The following AMTN variants were observed in gnomAD, a reference collection of about 807,000 sequenced individuals.
AMTN encodes amelotin, also known as RSTI689.
A neutral mutation model predicts 27.4 loss-of-function variants in AMTN; 29 were observed. The ratio of observed to expected loss-of-function variants is 1.06; its 90% CI spans 0.79 to 1.44. AMTN has a LOEUF of 1.44. Among genes scored for constraint, AMTN ranks in the 40% most tolerant of loss-of-function variants. The pLI is 0.00. For missense variants in AMTN, 247 were observed against 248.8 expected, an observed-to-expected ratio of 0.99 and a Z score of 0.05; for synonymous variants, 86 against 95.7, an observed-to-expected ratio of 0.90 and a Z score of 0.59.
chr4:70,520,541 G>T (rs1273954868), intron 2 of AMTN, among the ~76,000 whole-genome samples: 2 of 152,146 alleles, frequency 1.3e-5, no homozygotes, highest in Non-Finnish European at 2.9e-5. Flanking sequence ...AAGAAAACAA[G>T]ATTTTATTCC....
In AMTN at chr4:70,532,468, T is replaced by C. The variant is rs750011456; in HGVS notation, c.*3T>C. The C allele has an allele frequency of 1.9e-6, 3 of 1,607,216 alleles. No individual in the cohort carries two copies. The highest frequency in any genetic ancestry group is 1.7e-6 in the Non-Finnish European group (2 of 1,175,852). ...ATTTTCTTCCAGGAATTCAGTAAGC[T>C]GTTTCAAATTTTTTCAACTAAGCTG... On this transcript the variant is annotated 3_prime_UTR_variant, in exon 9 of 9. Transcript: ENST00000339336.
chr4:70,526,668 C>T (rs1736104862), intron 5 of AMTN, among the ~76,000 whole-genome samples: 2 of 152,204 alleles, frequency 1.3e-5, no homozygotes, highest in South Asian at 4.1e-4. Flanking sequence ...TCCATTGTTG[C>T]CCTCCTCTAA....
In AMTN at chr4:70,522,834, A is replaced by C. The variant is rs7660807; in HGVS notation, c.134A>C (p.Asn45Thr). Reference protein sequence around the residue: ...QGTLPNQQQSNQVFPSLSLIP... With the variant: ...QGTLPNQQQSTQVFPSLSLIP... The stretch of plus-strand genomic sequence containing the variant: ...ACACTACCAAACCAACAGCAGTCAA[A>C]TCAGGTAAGAGTCCTACAATATGGA... Residue 45 changes from asparagine to threonine, a missense_variant, in exon 3 of 9, where the codon AAT (asparagine) becomes ACT (threonine). Asn to Thr is a moderately conservative substitution (Grantham distance 65, BLOSUM62 0). Coordinates refer to ENST00000339336, the MANE Select transcript of AMTN (RefSeq NM_212557.4). The C allele has an allele frequency of 1.9e-6, 3 of 1,613,758 alleles. No individual in the cohort carries two copies. The highest frequency in any genetic ancestry group is 2.5e-6 in the Non-Finnish European group (3 of 1,179,734).
rs544996199 is a variant in AMTN at position 70,522,917 on chromosome 4, G to A, written c.138+79G>A. ...ATGTACAAACCGGTAAAGAAAACAC[G>A]TTAAGACTGGTAGGTTTAAAATCAA... On this transcript the variant is annotated intron_variant, in intron 3 of 8. Transcript: ENST00000339336. 65 of 1,355,108 alleles carry A rather than the reference G, an allele frequency of 4.8e-5. No homozygotes were observed. In the South Asian group the frequency reaches 6.0e-4, roughly 12 times the overall value. The allele number at this position is 1,355,108 out of a possible 1,614,324, so 83.9% of individuals were successfully genotyped here. A position where few individuals can be genotyped will look rare whatever the true frequency, so the allele number is the denominator to read the frequency against.
Position 70,531,314 on chromosome 4 carries a change from GCT to G in AMTN, c.619+15_619+16del. 1 of 1,612,842 alleles carries G rather than the reference GCT, an allele frequency of 6.2e-7. No individual in the cohort carries two copies. Among genetic ancestry groups the G allele is most frequent in the South Asian group, 1.1e-5 (1 of 91,052 alleles). The stretch of plus-strand genomic sequence containing the variant: ...AATCAGCAAATGGTAAATTCTCCTA[GCT>G]TGGAACATGCTTCTTGGCTATAAAA... On this transcript the variant is annotated intron_variant, in intron 8 of 8. Coordinates refer to ENST00000339336, the MANE Select transcript of AMTN (RefSeq NM_212557.4).
intron 4 of AMTN, 106 bp from the exon 5 acceptor site, chr4:70,524,766 C>T: frequency 1.0e-6 from 1 of 1,003,294 alleles, no homozygotes; most frequent in Non-Finnish European, 1.5e-6. Flanking sequence ...ATTTACATAG[C>T]AACTCCTTCC....
intron 8 of AMTN, among the ~76,000 whole-genome samples, chr4:70,531,668 CA>C (rs1459299875): frequency 6.6e-6 from 1 of 152,110 alleles, no homozygotes; most frequent in Non-Finnish European, 1.5e-5. Context: ...CACATCACCA[CA>C]GCTGGCTAAT....
intron 5 of AMTN, among the ~76,000 whole-genome samples, chr4:70,525,387 G>T (rs1736080126): frequency 6.6e-6 from 1 of 151,972 alleles, no homozygotes; most frequent in African/African-American, 2.4e-5. Flanking sequence ...TCCCATTTTT[G>T]CGCCTTTTCA....
In AMTN at chr4:70,524,926, G is replaced by T. The variant is rs1736067835; in HGVS notation, c.259G>T (p.Gly87Ter). ...PGTQTHPLTL[G>*]GLNVQQQLHP... ...TACCCAGACCCACCCATTGACCCTG[G>T]GAGGGTTGAATGTACAACAGCAACT... is the stretch of plus-strand genomic sequence containing the variant. The change falls in exon 5 of 9, where the codon GGA (glycine) becomes TGA (stop). Residue 87 changes from glycine to a stop codon, truncating the protein, a stop_gained. Transcript: ENST00000339336. LOFTEE classifies it high-confidence loss of function. 1.2e-6 allele frequency: 2 copies of T among 1,613,862 alleles called. No homozygotes were observed. Among genetic ancestry groups the T allele is most frequent in the Non-Finnish European group, 1.7e-6 (2 of 1,179,932 alleles).
intron 8 of AMTN, 125 bp from the exon 9 acceptor site, chr4:70,532,330 A>G: frequency 2.9e-6 from 2 of 699,882 alleles, no homozygotes; most frequent in Non-Finnish European, 4.6e-6. Flanking sequence ...AAATATCCTT[A>G]GAGATAACTA....
intron 6 of AMTN, 66 bp downstream of exon 6, chr4:70,528,824 C>T: frequency 7.5e-7 from 1 of 1,336,586 alleles, no homozygotes; most frequent in South Asian, 1.4e-5. Flanking sequence ...ATTTTCTTTC[C>T]TCAATTCACT....
intron 5 of AMTN, among the ~76,000 whole-genome samples, chr4:70,526,586 T>C (rs1454481816): frequency 6.6e-6 from 1 of 152,166 alleles, no homozygotes; most frequent in African/African-American, 2.4e-5. Context: ...AGATTTAAGA[T>C]GCAAATAAAA....
intron 6 of AMTN, 81 bp downstream of exon 6, chr4:70,528,839 A>G (rs1482478259): frequency 3.3e-6 from 4 of 1,214,634 alleles, no homozygotes; most frequent in Non-Finnish European, 4.6e-6. Context: ...TTCACTAGAT[A>G]GTTGTGAGGT....
At chr4:70,524,755 T>C in intron 4 of AMTN, 117 bp from the exon 5 acceptor site, 1 of 912,346 alleles carries the variant, frequency 1.1e-6, no homozygotes, top group South Asian at 1.4e-5. Flanking sequence ...GAACACTATG[T>C]ATTTACATAG....
intron 6 of AMTN, 51 bp from the exon 7 acceptor site, chr4:70,529,133 C>T (rs772999167): frequency 2.1e-6 from 3 of 1,451,914 alleles, no homozygotes; most frequent in Non-Finnish European, 2.8e-6. Flanking sequence ...TATATTACTA[C>T]AAATACATTA....
chr4:70,527,500 T>C (rs1431055715), intron 5 of AMTN, among the ~76,000 whole-genome samples: 3 of 152,212 alleles, frequency 2.0e-5, no homozygotes, highest in Admixed American at 6.5e-5. Context: ...TCTTGTTTTG[T>C]TGTCCTTTTT....
At chr4:70,520,737 C>T (rs539894606) in intron 2 of AMTN, among the ~76,000 whole-genome samples, 1 of 152,168 alleles carries the variant, frequency 6.6e-6, no homozygotes, top group Admixed American at 6.5e-5. Flanking sequence ...AAAAAAAGAT[C>T]CCAGAGCAGG....
At chr4:70,523,205 A>T (rs78779888) in intron 3 of AMTN, among the ~76,000 whole-genome samples, 11,886 of 152,298 alleles carry the variant, frequency 0.078, 684 homozygotes, top group East Asian at 0.19. Context: ...TTTGCCAGCA[A>T]TAGCAGGGAA....
chr4:70,519,970 T>TA (rs1735917513), intron 2 of AMTN, among the ~76,000 whole-genome samples: 1 of 151,276 alleles, frequency 6.6e-6, no homozygotes, highest in African/African-American at 2.4e-5. Flanking sequence ...AAGTTGTCTG[T>TA]AAAAGTTTAA....
Sources: allele counts gnomAD v4.1 joint callset (sites outside exome capture counted in the v4.1 genomes callset), GRCh38; gene constraint gnomAD v4.1.1; transcripts MANE v1.5; gene names NCBI Gene and HGNC (gene_info 2026-07-23, HGNC 2026-07-21).